The following TRPM3 variants were observed in gnomAD, a reference collection of about 807,000 sequenced individuals.
The protein encoded by TRPM3 is transient receptor potential cation channel subfamily M member 3.
A neutral mutation model predicts 181.2 loss-of-function variants in TRPM3; 77 were observed. The ratio of observed to expected loss-of-function variants is 0.42; its 90% CI spans 0.35 to 0.51. TRPM3 has a LOEUF of 0.51. TRPM3 is among the 20% of genes least tolerant of loss of function. The probability of loss-of-function intolerance (pLI) is 0.01; values close to 1 mark genes in which losing one functional copy is unlikely to be tolerated. For synonymous variants in TRPM3, 745 were observed against 796.4 expected (o/e 0.94, Z 1.09); for missense variants, 1,759 against 2,196.7 (o/e 0.80, Z 3.98).
intron 1 of TRPM3, among the ~76,000 whole-genome samples, chr9:71,094,537 A>T (rs2066779342): frequency 6.6e-6 from 1 of 151,800 alleles, no homozygotes; most frequent in Non-Finnish European, 1.5e-5. Context: ...CATGAGAAAT[A>T]GAAGAGGAAT....
At chr9:71,403,710 C>A (rs2093384713) in intron 1 of TRPM3, among the ~76,000 whole-genome samples, 1 of 151,970 alleles carries the variant, frequency 6.6e-6, no homozygotes, top group South Asian at 2.1e-4. Context: ...CGATCTGAAC[C>A]CAGACAGTGT....
chr9:71,229,623 A>G (rs1362265453), intron 1 of TRPM3, among the ~76,000 whole-genome samples: 1 of 152,182 alleles, frequency 6.6e-6, no homozygotes, highest in Non-Finnish European at 1.5e-5. Context: ...AAAAATGGAC[A>G]AAGGATCTGA....
intron 1 of TRPM3, among the ~76,000 whole-genome samples, chr9:71,322,583 G>A (rs1473688223): frequency 2.6e-5 from 4 of 151,916 alleles, no homozygotes; most frequent in African/African-American, 4.8e-5. Context: ...ACTGTTTCAC[G>A]GACAACATTT....
At chr9:70,674,573 T>A (rs10868869) in intron 9 of TRPM3, among the ~76,000 whole-genome samples, 97,069 of 149,986 alleles carry the variant, frequency 0.65, 31,693 homozygotes, top group African/African-American at 0.74. Flanking sequence ...ATTTTTTTTT[T>A]GAGAGAGATA....
At chr9:70,609,863 G>A (rs10868860) in intron 19 of TRPM3, among the ~76,000 whole-genome samples, 31,068 of 151,746 alleles carry the variant, frequency 0.2, 4,027 homozygotes, top group Non-Finnish European at 0.28. Flanking sequence ...CAGTTCCACC[G>A]TGGCTGGAAA....
chr9:71,146,575 C>T (rs1355926948), intron 1 of TRPM3, among the ~76,000 whole-genome samples: 1 of 152,140 alleles, frequency 6.6e-6, no homozygotes, highest in East Asian at 1.9e-4. Flanking sequence ...ACCTTAATAA[C>T]AGTAGTGGAG....
rs113075784 is a variant in TRPM3, at chr9:70,978,829, A to T, written c.178-114318T>A. Among the ~76,000 whole-genome samples, 6 of 152,382 alleles carry T rather than the reference A, an allele frequency of 3.9e-5. 1 individual carries two copies. Among genetic ancestry groups the T allele is most frequent in the African/African-American group, 1.4e-4 (6 of 41,594 alleles). ...TGCCCTGCCAGTGTCTTCAACAAAAAGCATCGAGCTTAGACACCACCTGTA... is the reference window on the plus strand; with the variant it reads ...TGCCCTGCCAGTGTCTTCAACAAAATGCATCGAGCTTAGACACCACCTGTA... On this transcript the variant is annotated intron_variant, in intron 1 of 25. Coordinates refer to ENST00000677713, the MANE Select transcript of TRPM3 (RefSeq NM_001366145.2).
At chr9:71,277,876 G>C (rs2084347813) in intron 1 of TRPM3, among the ~76,000 whole-genome samples, 1 of 148,876 alleles carries the variant, frequency 6.7e-6, no homozygotes, top group South Asian at 2.1e-4. Context: ...AGGATGCAGA[G>C]ACAAAGTCAG....
chr9:70,629,082 C>T (rs1395265419), intron 12 of TRPM3, among the ~76,000 whole-genome samples: 2 of 151,562 alleles, frequency 1.3e-5, no homozygotes, highest in African/African-American at 4.9e-5. Context: ...TGGCTATATC[C>T]ATAAAGGACT....
intron 1 of TRPM3, among the ~76,000 whole-genome samples, chr9:71,232,683 C>G (rs909356520): frequency 6.6e-6 from 1 of 151,498 alleles, no homozygotes; most frequent in Admixed American, 6.6e-5. Flanking sequence ...GTATTTTTAA[C>G]AGAAATGGGG....
intron 1 of TRPM3, among the ~76,000 whole-genome samples, chr9:71,160,083 C>T (rs2076204305): frequency 6.6e-6 from 1 of 152,118 alleles, no homozygotes; most frequent in Non-Finnish European, 1.5e-5. Flanking sequence ...TCTACCTATT[C>T]AGCTCTAGTT....
At chr9:71,284,262 A>G (rs758708904) in intron 1 of TRPM3, among the ~76,000 whole-genome samples, 47 of 152,274 alleles carry the variant, frequency 3.1e-4, no homozygotes, top group Non-Finnish European at 6.0e-4. Context: ...TATACTTGCC[A>G]ACATAAAATT....
intron 1 of TRPM3, among the ~76,000 whole-genome samples, chr9:70,978,152 T>C (rs2097325447): frequency 2.0e-5 from 3 of 152,294 alleles, no homozygotes; most frequent in Middle Eastern, 3.4e-3. Context: ...TCCAGGAAAT[T>C]CCAAGGGTTT....
chr9:71,230,481 T>C (rs1171926332), intron 1 of TRPM3, among the ~76,000 whole-genome samples: 2 of 152,212 alleles, frequency 1.3e-5, no homozygotes, highest in Non-Finnish European at 2.9e-5. Context: ...GAATCATTTA[T>C]AACACAAAGA....
At chr9:71,343,074 G>A (rs1408062504) in intron 1 of TRPM3, among the ~76,000 whole-genome samples, 1 of 151,932 alleles carries the variant, frequency 6.6e-6, no homozygotes, top group Non-Finnish European at 1.5e-5. Flanking sequence ...AATTATATAG[G>A]TTTTCTATAA....
intron 1 of TRPM3, among the ~76,000 whole-genome samples, chr9:71,140,349 A>G (rs558295008): frequency 4.6e-5 from 7 of 152,162 alleles, no homozygotes; most frequent in South Asian, 2.1e-4. Context: ...CCCAGTCACC[A>G]TATCTCCGGT....
At chr9:71,077,373 C>T (rs763547808) in intron 1 of TRPM3, among the ~76,000 whole-genome samples, 2 of 152,300 alleles carry the variant, frequency 1.3e-5, no homozygotes, top group South Asian at 2.1e-4. Context: ...TTGGCCAGTT[C>T]GCAAAACTCT....
Position 71,096,590 on chromosome 9 carries a change from A to ACACACTCTCTCTCTCT in TRPM3, c.177+24587_177+24588insAGAGAGAGAGAGTGTG, listed in dbSNP as rs1452142664. On this transcript the variant is annotated intron_variant, in intron 1 of 25. Transcript: ENST00000677713. ...CACACACACACACACACACACACAC[A>ACACACTCTCTCTCTCT]CTCTCTCTCTCTCTCTCTCTCTCTC... 2.2e-3 allele frequency among the ~76,000 whole-genome samples: 202 copies of ACACACTCTCTCTCTCT among 90,022 alleles called. 2 individuals are homozygous for ACACACTCTCTCTCTCT. Among genetic ancestry groups the ACACACTCTCTCTCTCT allele is most frequent in the African/African-American group, 9.7e-3 (189 of 19,408 alleles). The allele number at this position is 90,022 out of a possible 152,430, so 59.1% of individuals were successfully genotyped here.
intron 1 of TRPM3, among the ~76,000 whole-genome samples, chr9:71,182,737 T>C (rs989113485): frequency 6.6e-6 from 1 of 152,100 alleles, no homozygotes; most frequent in South Asian, 2.1e-4. Context: ...TCTTGGCTCA[T>C]TGCAACCTCC....
Sources: allele counts gnomAD v4.1 joint callset (sites outside exome capture counted in the v4.1 genomes callset), GRCh38; gene constraint gnomAD v4.1.1; transcripts MANE v1.5; gene names NCBI Gene and HGNC (gene_info 2026-07-23, HGNC 2026-07-21).